Variants in NUP210 observed in about 807,000 individuals in gnomAD.
NUP210 encodes nuclear pore membrane glycoprotein 210.
NUP210 carries 151 observed loss-of-function variants against 196.0 expected under a neutral mutation model. That is an observed-to-expected ratio of 0.77 (90% CI 0.67 to 0.88). The LOEUF (loss-of-function observed/expected upper bound fraction) is 0.88, where lower values mean the gene tolerates loss of function less well. NUP210 is among the 40% of genes least tolerant of loss of function. The pLI is 0.00. For missense variants in NUP210, 2,314 were observed against 2,493.7 expected (o/e 0.93, Z 1.53); for synonymous variants, 1,070 against 1,052.7 (o/e 1.02, Z -0.32).
intron 18 of NUP210, 141 bp downstream of exon 18, chr3:13,353,413 G>A: frequency 4.4e-6 from 3 of 678,368 alleles, no homozygotes; most frequent in Non-Finnish European, 7.9e-6. Flanking sequence ...CTCTCCTGGG[G>A]CCTCCAAGAG....
chr3:13,393,344 G>A (rs957194019), intron 3 of NUP210, among the ~76,000 whole-genome samples: 16 of 152,212 alleles, frequency 1.1e-4, no homozygotes, highest in African/African-American at 3.9e-4. Context: ...TGCACGTGGA[G>A]CTCTGTTTTT....
At chr3:13,389,218 C>T (rs1473785400) in intron 4 of NUP210, among the ~76,000 whole-genome samples, 3 of 152,362 alleles carry the variant, frequency 2.0e-5, no homozygotes, top group South Asian at 2.1e-4. Context: ...AGCTCCAACC[C>T]GCCTTGGCAT....
intron 13 of NUP210, among the ~76,000 whole-genome samples, chr3:13,368,194 G>C (rs889098941): frequency 2.6e-5 from 4 of 152,066 alleles, no homozygotes; most frequent in African/African-American, 7.2e-5. Flanking sequence ...TCCTACCTCA[G>C]CCTCCTGATT....
chr3:13,407,167 T>C (rs1025849192), intron 1 of NUP210, among the ~76,000 whole-genome samples: 1 of 152,090 alleles, frequency 6.6e-6, no homozygotes, highest in African/African-American at 2.4e-5. Flanking sequence ...AGCTCTCAGA[T>C]CTAGGAAAAA....
chr3:13,372,726 G>A (rs1338071722), intron 12 of NUP210, among the ~76,000 whole-genome samples: 1 of 152,168 alleles, frequency 6.6e-6, no homozygotes, highest in African/African-American at 2.4e-5. Flanking sequence ...CACTCACCTG[G>A]CGAAGCACTG....
At chr3:13,406,972 C>T (rs1439942962) in intron 1 of NUP210, among the ~76,000 whole-genome samples, 1 of 152,062 alleles carries the variant, frequency 6.6e-6, no homozygotes, top group African/African-American at 2.4e-5. Flanking sequence ...TCGGTTCTCT[C>T]ATCTGTTGGT....
chr3:13,358,062 A>T (rs1336673664), intron 16 of NUP210, among the ~76,000 whole-genome samples, 160 bp downstream of exon 16: 2 of 152,168 alleles, frequency 1.3e-5, no homozygotes, highest in Non-Finnish European at 2.9e-5. Flanking sequence ...ATAAAACACA[A>T]ATGAAACCAG....
rs1305149935 is a variant in NUP210, at chr3:13,320,332, C to CTTA, written c.5167-356_5167-354dup. ...CTCATTTAATTCTAATCAACTGCTG[C>CTTA]TTACAAAAAGGCTAAACCAGGCTGG... is the stretch of plus-strand genomic sequence containing the variant. On this transcript the variant is annotated intron_variant, in intron 36 of 39. Coordinates refer to ENST00000254508, the MANE Select transcript of NUP210 (RefSeq NM_024923.4). Among the ~76,000 whole-genome samples the CTTA allele has an allele frequency of 3.9e-5, 6 of 152,290 alleles. No individual in the cohort carries two copies. In the East Asian group the frequency reaches 9.6e-4, roughly 24 times the overall value.
chr3:13,317,750 A>C lies in NUP210; in HGVS notation c.5595T>G (p.Asn1865Lys), dbSNP rs1559300797. The C allele has an allele frequency of 2.5e-6, 4 of 1,611,764 alleles. No homozygotes were observed. The highest frequency in any genetic ancestry group is 8.5e-7 in the Non-Finnish European group (1 of 1,179,150). ...TGGCTTTGCGAGCAGGAGGCAATGC[A>C]TTGGGAGATGTGGGTGATGAGGCAG... ...YFAASSPTSPNALPPARKASP... is the reference protein window; with the variant it reads ...YFAASSPTSPKALPPARKASP... Residue 1865 changes from asparagine (N) to lysine (K), a missense_variant, in exon 40 of 40, where the codon AAT becomes AAG. Coordinates refer to ENST00000254508, the MANE Select transcript of NUP210 (RefSeq NM_024923.4).
At chr3:13,351,652 A>C in intron 20 of NUP210, 8 of 459,226 alleles carry the variant, frequency 1.7e-5, no homozygotes, top group Non-Finnish European at 2.7e-5. Context: ...ATGCCCAGCT[A>C]ATTTTTGATT....
intron 27 of NUP210, among the ~76,000 whole-genome samples, 182 bp from the exon 28 acceptor site, chr3:13,335,794 C>G (rs911822889): frequency 2.0e-5 from 3 of 152,246 alleles, no homozygotes; most frequent in African/African-American, 7.2e-5. Context: ...TGTGCAGACC[C>G]GGCTTCCCCA....
At chr3:13,326,846 C>A (rs1448447090) in intron 32 of NUP210, among the ~76,000 whole-genome samples, 1 of 152,248 alleles carries the variant, frequency 6.6e-6, no homozygotes, top group Admixed American at 6.5e-5. Flanking sequence ...GACCCCCCCA[C>A]CGACTTGGCA....
Position 13,340,054 on chromosome 3 carries a change from G to C in NUP210, c.3292-21C>G, listed in dbSNP as rs201981682. 6.2e-7 allele frequency: 1 copy of C among 1,610,300 alleles called. No homozygotes were observed. The highest frequency in any genetic ancestry group is 1.3e-5 in the African/African-American group (1 of 74,884). The stretch of plus-strand genomic sequence containing the variant: ...GTGACCTGAGCGGGGAGGAAACAGC[G>C]GCGTGTCAGTGCCCGTCATGCCAGG... On this transcript the variant is annotated intron_variant, in intron 24 of 39. Coordinates refer to ENST00000254508, the MANE Select transcript of NUP210 (RefSeq NM_024923.4). The surrounding 1 kb of genome is among the most constrained non-coding windows in gnomAD (Gnocchi z 4.0).
At position 13,317,664 on chromosome 3, in the gene NUP210, G is replaced by T. The variant is rs559439980; in HGVS notation, c.*17C>A. ...GAGGCTCGGCTGAGACCCATCCTCC[G>T]GGAACCTTCACGCGGCCTAGTGGGA... On this transcript the variant is annotated 3_prime_UTR_variant, in exon 40 of 40. Coordinates refer to ENST00000254508, the MANE Select transcript of NUP210 (RefSeq NM_024923.4). The T allele has an allele frequency of 6.4e-7, 1 of 1,574,518 alleles. No homozygotes were observed. Among genetic ancestry groups the T allele is most frequent in the Non-Finnish European group, 8.7e-7 (1 of 1,153,084 alleles).
chr3:13,391,043 G>A (rs1699473042), intron 4 of NUP210, among the ~76,000 whole-genome samples, 168 bp downstream of exon 4: 1 of 152,198 alleles, frequency 6.6e-6, no homozygotes, highest in African/African-American at 2.4e-5. Context: ...ACAATGGTGT[G>A]AGTGGATCCC....
At chr3:13,406,938 C>G (rs559430802) in intron 1 of NUP210, among the ~76,000 whole-genome samples, 6 of 151,852 alleles carry the variant, frequency 4.0e-5, no homozygotes, top group Admixed American at 3.3e-4. Flanking sequence ...GCAAGTAGCC[C>G]TCGGGGATGG....
At chr3:13,395,564 C>T (rs972185932) in intron 3 of NUP210, among the ~76,000 whole-genome samples, 6 of 152,160 alleles carry the variant, frequency 3.9e-5, no homozygotes, top group East Asian at 3.9e-4. Context: ...GTGATCTGCC[C>T]GCCTCGGCCT....
Position 13,341,888 on chromosome 3 carries a change from A to T in NUP210, c.3093-5T>A. Reference sequence around the variant, plus strand: ...TCAAGGGCTTCATCAAGGGCCCTGAAACAGAGGGAAGGGCTGGGACTTCTC... The same window carrying T: ...TCAAGGGCTTCATCAAGGGCCCTGATACAGAGGGAAGGGCTGGGACTTCTC... On this transcript the variant is annotated splice_polypyrimidine_tract_variant and splice_region_variant and intron_variant, in intron 22 of 39. Coordinates refer to ENST00000254508, the MANE Select transcript of NUP210 (RefSeq NM_024923.4). The T allele has an allele frequency of 6.2e-7, 1 of 1,614,168 alleles. No individual in the cohort carries two copies. The highest frequency in any genetic ancestry group is 8.5e-7 in the Non-Finnish European group (1 of 1,180,034).
At chr3:13,391,027 T>C (rs1162966649) in intron 4 of NUP210, among the ~76,000 whole-genome samples, 184 bp downstream of exon 4, 1 of 152,134 alleles carries the variant, frequency 6.6e-6, no homozygotes, top group Non-Finnish European at 1.5e-5. Flanking sequence ...GCAGCCAGGC[T>C]CCCGCACAAT....
Sources: allele counts gnomAD v4.1 joint callset (sites outside exome capture counted in the v4.1 genomes callset), GRCh38; gene constraint gnomAD v4.1.1; non-coding constraint Gnocchi (gnomAD v3.1); transcripts MANE v1.5; gene names NCBI Gene and HGNC (gene_info 2026-07-23, HGNC 2026-07-21).